The following DSCAM variants were observed in gnomAD, a reference collection of about 807,000 sequenced individuals.
DSCAM encodes cell adhesion molecule DSCAM.
A neutral mutation model predicts 217.7 loss-of-function variants in DSCAM; 47 were observed. The observed-to-expected ratio is 0.22, with a 90% CI of 0.17 to 0.28. The LOEUF (loss-of-function observed/expected upper bound fraction) is 0.28. Among genes scored for constraint, DSCAM ranks in the 10% least tolerant of loss-of-function variants. The probability of loss-of-function intolerance (pLI) is 1.00; values close to 1 mark genes in which losing one functional copy is unlikely to be tolerated. For synonymous variants in DSCAM, 1,056 were observed against 1,015.3 expected, an observed-to-expected ratio of 1.04 and a Z score of -0.76; for missense variants, 2,080 against 2,618.3, an observed-to-expected ratio of 0.79 and a Z score of 4.49.
intron 23 of DSCAM, among the ~76,000 whole-genome samples, chr21:40,085,365 T>A (rs408241): frequency 0.84 from 127,453 of 152,168 alleles, 53,511 homozygotes; most frequent in East Asian, 0.94. Context: ...GAGACTAGGC[T>A]TTCTGTATGC....
intron 1 of DSCAM, among the ~76,000 whole-genome samples, chr21:40,731,728 A>ACCCCCCCCCCC (rs148482159): frequency 1.6e-4 from 13 of 79,738 alleles, no homozygotes; most frequent in Non-Finnish European, 2.3e-4. Context: ...TTCCCACTGC[A>ACCCCCCCCCCC]CCCCCCCCCC....
intron 6 of DSCAM, among the ~76,000 whole-genome samples, chr21:40,341,517 A>C (rs2074491103): frequency 1.3e-5 from 2 of 152,194 alleles, no homozygotes. Flanking sequence ...CTAAATATAT[A>C]CACACCAGAG....
intron 1 of DSCAM, 44 bp from the exon 2 acceptor site, chr21:40,708,815 C>A: frequency 7.5e-7 from 1 of 1,337,466 alleles, no homozygotes; most frequent in Non-Finnish European, 9.8e-7. Flanking sequence ...GTAAAACATG[C>A]CTTTGACATT....
intron 11 of DSCAM, among the ~76,000 whole-genome samples, chr21:40,257,707 G>A (rs145197938): frequency 2.0e-5 from 3 of 152,120 alleles, no homozygotes; most frequent in East Asian, 1.9e-4. Flanking sequence ...CTCAGAGGTC[G>A]CAGAAAATAA....
chr21:40,508,692 T>C (rs148606480), intron 3 of DSCAM, among the ~76,000 whole-genome samples: 104 of 139,592 alleles, frequency 7.5e-4, no homozygotes, highest in African/African-American at 2.4e-3. Flanking sequence ...CCTCAGCCTC[T>C]TGAGTCACTC....
chr21:40,772,131 A>C (rs1177215639), intron 1 of DSCAM, among the ~76,000 whole-genome samples: 1 of 152,110 alleles, frequency 6.6e-6, no homozygotes, highest in Non-Finnish European at 1.5e-5. Flanking sequence ...TCTGTTTTTA[A>C]ATGTTTTGCT....
chr21:40,199,721 T>C (rs1179702932), intron 11 of DSCAM, among the ~76,000 whole-genome samples: 4 of 152,116 alleles, frequency 2.6e-5, no homozygotes, highest in African/African-American at 9.6e-5. Context: ...TGGGAGTTGA[T>C]CAATGAGAAT....
At chr21:40,547,768 C>T (rs1406544898) in intron 3 of DSCAM, among the ~76,000 whole-genome samples, 1 of 152,188 alleles carries the variant, frequency 6.6e-6, no homozygotes. Context: ...AATGCTTCCA[C>T]TGTCCTTCAA....
chr21:40,809,300 CT>C (rs768009648), intron 1 of DSCAM, among the ~76,000 whole-genome samples: 4 of 152,072 alleles, frequency 2.6e-5, no homozygotes, highest in Non-Finnish European at 5.9e-5. Context: ...GAAGCAGATC[CT>C]AATTTGAGGA....
At chr21:40,194,034 T>A (rs1457791071) in intron 11 of DSCAM, among the ~76,000 whole-genome samples, 2 of 152,188 alleles carry the variant, frequency 1.3e-5, no homozygotes, top group African/African-American at 2.4e-5. Flanking sequence ...TTTCCTTTTT[T>A]AAAAAAATAA....
intron 11 of DSCAM, among the ~76,000 whole-genome samples, chr21:40,210,248 G>A (rs2091168882): frequency 6.6e-6 from 1 of 152,128 alleles, no homozygotes; most frequent in African/African-American, 2.4e-5. Flanking sequence ...CCTCTATGGA[G>A]CCCTCCCTGA....
chr21:40,176,575 C>T (rs1359470302), intron 15 of DSCAM, among the ~76,000 whole-genome samples: 2 of 152,216 alleles, frequency 1.3e-5, no homozygotes, highest in South Asian at 2.1e-4. Context: ...AGGTAAGTCA[C>T]ACATGGGAAA....
chr21:40,186,744 T>C (rs1439185040), intron 14 of DSCAM, among the ~76,000 whole-genome samples: 1 of 152,162 alleles, frequency 6.6e-6, no homozygotes, highest in Non-Finnish European at 1.5e-5. Context: ...GTGCAGGACA[T>C]GGGCTCAGGC....
At chr21:40,487,146 T>C (rs1398750532) in intron 3 of DSCAM, among the ~76,000 whole-genome samples, 2 of 152,118 alleles carry the variant, frequency 1.3e-5, no homozygotes, top group Non-Finnish European at 2.9e-5. Flanking sequence ...GGGCCTTTTA[T>C]GTAATTCCTG....
intron 3 of DSCAM, among the ~76,000 whole-genome samples, chr21:40,638,516 G>C (rs917970952): frequency 3.3e-5 from 5 of 152,180 alleles, no homozygotes; most frequent in Admixed American, 2.0e-4. Context: ...GGAACTCAGA[G>C]TTTATAAAAT....
intron 11 of DSCAM, among the ~76,000 whole-genome samples, chr21:40,211,286 T>A (rs2091181509): frequency 6.6e-6 from 1 of 151,994 alleles, no homozygotes; most frequent in Non-Finnish European, 1.5e-5. Flanking sequence ...ATTCATTTTG[T>A]TGTTGTTGTT....
intron 20 of DSCAM, among the ~76,000 whole-genome samples, chr21:40,116,575 A>G (rs1186055704): frequency 2.0e-5 from 3 of 152,122 alleles, no homozygotes; most frequent in Non-Finnish European, 2.9e-5. Context: ...TCTGCCTGCC[A>G]TGTAGAAGCA....
chr21:40,722,644 G>A (rs2090913621), intron 1 of DSCAM, among the ~76,000 whole-genome samples: 1 of 151,936 alleles, frequency 6.6e-6, no homozygotes, highest in Admixed American at 6.6e-5. Context: ...GAAAAAATAG[G>A]GAGCAATTAG....
At chr21:40,100,416 G>C (rs1334255395) in intron 20 of DSCAM, among the ~76,000 whole-genome samples, 2 of 152,086 alleles carry the variant, frequency 1.3e-5, no homozygotes, top group Non-Finnish European at 2.9e-5. Context: ...GGATAGCATG[G>C]ACTATATTTA....
Sources: allele counts gnomAD v4.1 joint callset (sites outside exome capture counted in the v4.1 genomes callset), GRCh38; gene constraint gnomAD v4.1.1; transcripts MANE v1.5; gene names NCBI Gene and HGNC (gene_info 2026-07-23, HGNC 2026-07-21).